The following ADAMTS17 variants were observed in gnomAD, a reference collection of about 807,000 sequenced individuals.
The protein encoded by ADAMTS17 is A disintegrin and metalloproteinase with thrombospondin motifs 17.
ADAMTS17 carries 113 observed loss-of-function variants against 141.5 expected under a neutral mutation model. The observed-to-expected ratio is 0.80, with a 90% confidence interval of 0.69 to 0.93. The LOEUF (loss-of-function observed/expected upper bound fraction) is 0.93, where lower values mean the gene tolerates loss of function less well. ADAMTS17 is among the 40% of genes least tolerant of loss of function. The pLI, the probability that ADAMTS17 is intolerant of heterozygous loss-of-function variation, is 0.00. For missense variants in ADAMTS17, 1,659 were observed against 1,517.9 expected (o/e 1.09, Z -1.54); for synonymous variants, 768 against 630.6 (o/e 1.22, Z -3.27).
At chr15:100,005,007 C>T (rs913562006) in intron 18 of ADAMTS17, among the ~76,000 whole-genome samples, 4 of 152,124 alleles carry the variant, frequency 2.6e-5, no homozygotes, top group African/African-American at 9.7e-5. Flanking sequence ...CTGCCTGCCT[C>T]GGCCTCCCAA....
chr15:99,985,143 T>C (rs1001910851), intron 20 of ADAMTS17, among the ~76,000 whole-genome samples: 5 of 152,274 alleles, frequency 3.3e-5, no homozygotes, highest in Non-Finnish European at 4.4e-5. Flanking sequence ...CGGCGGGCTC[T>C]GTGGACTCAC....
At chr15:100,027,759 T>C (rs1396605431) in intron 18 of ADAMTS17, among the ~76,000 whole-genome samples, 1 of 152,242 alleles carries the variant, frequency 6.6e-6, no homozygotes, top group Non-Finnish European at 1.5e-5. Context: ...TACTTAAAAT[T>C]GTTTTTCTAA....
intron 10 of ADAMTS17, among the ~76,000 whole-genome samples, chr15:100,143,723 G>A (rs1482865888): frequency 6.6e-6 from 1 of 152,188 alleles, no homozygotes; most frequent in Non-Finnish European, 1.5e-5. Flanking sequence ...GAATTAATAT[G>A]GACTGTATTT....
intron 18 of ADAMTS17, among the ~76,000 whole-genome samples, chr15:100,019,606 AG>A (rs1362383240): frequency 6.6e-6 from 1 of 152,216 alleles, no homozygotes; most frequent in Admixed American, 6.5e-5. Context: ...CAGCCCACTG[AG>A]GCCAAATGTT....
At chr15:100,296,809 G>C (rs1186586630) in intron 3 of ADAMTS17, among the ~76,000 whole-genome samples, 3 of 152,206 alleles carry the variant, frequency 2.0e-5, no homozygotes, top group African/African-American at 7.2e-5. Context: ...CAGCCATGTA[G>C]ATACCAAGCA....
rs1286303042 is a variant in ADAMTS17, at chr15:100,341,206, G to T, written c.283C>A (p.Gln95Lys). ...LPAFGRDLYL[Q>K]LRRDLRFLSR... ...AGGAAGCGCAGGTCGCGGCGCAGCT[G>T]AAGGTACAGGTCGCGCCCGAAGGCC... The change falls in exon 2 of 22, where the codon CAG becomes AAG. Residue 95 changes from glutamine to lysine, a missense_variant. Transcript: ENST00000268070. 6 of 1,459,712 alleles carry T rather than the reference G, an allele frequency of 4.1e-6. No homozygotes were observed. Among genetic ancestry groups the T allele is most frequent in the Non-Finnish European group, 5.4e-6 (6 of 1,109,182 alleles). 90.4% of individuals were successfully genotyped at this position (1,459,712 alleles called of 1,614,324 possible). A position where few individuals can be genotyped will look rare whatever the true frequency, so the allele number is the denominator to read the frequency against.
intron 3 of ADAMTS17, among the ~76,000 whole-genome samples, chr15:100,293,681 C>T (rs2044718368): frequency 1.3e-5 from 2 of 152,156 alleles, no homozygotes; most frequent in African/African-American, 4.8e-5. Context: ...CTCCTCCAGG[C>T]TACACAGCTA....
intron 18 of ADAMTS17, among the ~76,000 whole-genome samples, chr15:100,011,493 A>G (rs1019879624): frequency 6.6e-6 from 1 of 152,056 alleles, no homozygotes; most frequent in Non-Finnish European, 1.5e-5. Context: ...AAGATTTTCA[A>G]CACTTTGCTA....
chr15:100,339,681 A>G (rs531198449), intron 2 of ADAMTS17, among the ~76,000 whole-genome samples: 1 of 88,888 alleles, frequency 1.1e-5, no homozygotes, highest in East Asian at 3.5e-4. Flanking sequence ...TCCCCGCCCC[A>G]GGTCCACATT....
chr15:100,217,380 T>G (rs2042001149), intron 7 of ADAMTS17, among the ~76,000 whole-genome samples: 1 of 152,150 alleles, frequency 6.6e-6, no homozygotes, highest in Non-Finnish European at 1.5e-5. Flanking sequence ...GCGGACCACC[T>G]GAGGTCCAGG....
rs546504782 is a variant in ADAMTS17 at position 100,151,297 on chromosome 15, C to T, written c.1473+1315G>A. On this transcript the variant is annotated intron_variant, in intron 10 of 21. Transcript: ENST00000268070. Reference sequence around the variant, plus strand: ...GAAACAGCCAGTAGGAGACAACAGCCTGGTTTTAAGGAGCTGCCCTTTTTA... The same window carrying T: ...GAAACAGCCAGTAGGAGACAACAGCTTGGTTTTAAGGAGCTGCCCTTTTTA... Among the ~76,000 whole-genome samples the T allele has an allele frequency of 7.2e-5, 11 of 152,306 alleles. No individual in the cohort carries two copies. In the South Asian group the frequency reaches 2.1e-3, roughly 29 times the overall value.
Position 100,341,191 on chromosome 15 carries a change from G to T in ADAMTS17, c.298C>A (p.Leu100Met). 1 of 1,463,522 alleles carries T rather than the reference G, an allele frequency of 6.8e-7. No individual in the cohort carries two copies. Among genetic ancestry groups the T allele is most frequent in the Non-Finnish European group, 9.0e-7 (1 of 1,111,422 alleles). The allele number at this position is 1,463,522 out of a possible 1,614,324, so 90.7% of individuals were successfully genotyped here. A position where few individuals can be genotyped will look rare whatever the true frequency, so the allele number is the denominator to read the frequency against. The change falls in exon 2 of 22, where the codon CTG (leucine) becomes ATG (methionine). Residue 100 changes from leucine (L) to methionine (M), a missense_variant. Physicochemically the swap from Leu to Met is conservative, Grantham distance 15 (BLOSUM62 2). Transcript: ENST00000268070. ...TCGAAGCCTCGGGACAGGAAGCGCA[G>T]GTCGCGGCGCAGCTGAAGGTACAGG... ...RDLYLQLRRD[L>M]RFLSRGFEVE...
intron 8 of ADAMTS17, among the ~76,000 whole-genome samples, chr15:100,162,858 G>C (rs1051002199): frequency 7.0e-6 from 1 of 142,392 alleles, no homozygotes; most frequent in Admixed American, 7.1e-5. Context: ...TTATATATCT[G>C]TGTATATATA....
chr15:100,153,221 T>C (rs565638774), intron 9 of ADAMTS17, among the ~76,000 whole-genome samples: 1 of 152,218 alleles, frequency 6.6e-6, no homozygotes, highest in South Asian at 2.1e-4. Context: ...TTTCGAGTGC[T>C]TGTGGGACCT....
At chr15:100,082,222 C>A (rs938376687) in intron 15 of ADAMTS17, among the ~76,000 whole-genome samples, 5 of 152,086 alleles carry the variant, frequency 3.3e-5, no homozygotes, top group East Asian at 1.9e-4. Context: ...CGTGCCACCA[C>A]GCCCAGCTAA....
At chr15:100,253,182 G>A (rs1411042621) in intron 7 of ADAMTS17, among the ~76,000 whole-genome samples, 1 of 151,470 alleles carries the variant, frequency 6.6e-6, no homozygotes, top group Admixed American at 6.6e-5. Flanking sequence ...GATGAACAAA[G>A]GTTCGCGTTA....
chr15:100,264,358 C>G (rs1021085130), intron 4 of ADAMTS17, among the ~76,000 whole-genome samples: 5 of 152,082 alleles, frequency 3.3e-5, no homozygotes, highest in Non-Finnish European at 7.4e-5. Flanking sequence ...AGAATTGGAT[C>G]TAAACTGGTA....
chr15:100,158,279 T>C (rs1394112679), intron 8 of ADAMTS17, among the ~76,000 whole-genome samples: 5 of 152,222 alleles, frequency 3.3e-5, no homozygotes, highest in South Asian at 2.1e-4. Flanking sequence ...TGTTTACTTA[T>C]ACACAAGTGC....
At chr15:100,268,447 G>T (rs540360354) in intron 4 of ADAMTS17, among the ~76,000 whole-genome samples, 40 of 152,260 alleles carry the variant, frequency 2.6e-4, no homozygotes, top group African/African-American at 6.5e-4. Flanking sequence ...TCTGCACCTT[G>T]CCAGCATCTG....
Sources: allele counts gnomAD v4.1 joint callset (sites outside exome capture counted in the v4.1 genomes callset), GRCh38; gene constraint gnomAD v4.1.1; transcripts MANE v1.5; gene names NCBI Gene and HGNC (gene_info 2026-07-23, HGNC 2026-07-21).